FBXW7: variants seen among roughly 807,000 people sequenced by gnomAD.
The protein encoded by FBXW7 is F-box and WD repeat domain containing 7.
A neutral mutation model predicts 86.3 loss-of-function variants in FBXW7; 11 were observed. The ratio of observed to expected loss-of-function variants is 0.13; its 90% CI spans 0.08 to 0.21. FBXW7 has a LOEUF of 0.21. Among genes scored for constraint, FBXW7 ranks in the 10% least tolerant of loss-of-function variants. The pLI is 1.00. For synonymous variants in FBXW7, 313 were observed against 297.9 expected, an observed-to-expected ratio of 1.05 and a Z score of -0.52; for missense variants, 488 against 847.4, an observed-to-expected ratio of 0.58 and a Z score of 5.27.
At chr4:152,396,323 G>C (rs1390103321) in intron 4 of FBXW7, among the ~76,000 whole-genome samples, 1 of 151,776 alleles carries the variant, frequency 6.6e-6, no homozygotes, top group Admixed American at 6.6e-5. Context: ...AAAATGTAAT[G>C]CAACTAACAA....
chr4:152,504,030 T>C (rs548184240), intron 2 of FBXW7, among the ~76,000 whole-genome samples: 1 of 152,336 alleles, frequency 6.6e-6, no homozygotes, highest in South Asian at 2.1e-4. Context: ...AGATCTACTC[T>C]AATGTCAACT....
chr4:152,358,363 A>G (rs1461056120), intron 4 of FBXW7, among the ~76,000 whole-genome samples: 1 of 152,170 alleles, frequency 6.6e-6, no homozygotes, highest in Non-Finnish European at 1.5e-5. Context: ...GTGATTTTCA[A>G]ATATATTTGC....
rs1187955536 is a variant in FBXW7 at position 152,322,358 on chromosome 4, T to C, written c.*523A>G. On this transcript the variant is annotated 3_prime_UTR_variant, in exon 14 of 14. Coordinates refer to ENST00000281708, the MANE Select transcript of FBXW7 (RefSeq NM_001349798.2). The stretch of plus-strand genomic sequence containing the variant: ...AAAAAAAAAAGCTTTTCATGATAAC[T>C]GTACAAAAACAATTCACAGTAATTT... 4.4e-6 allele frequency: 1 copy of C among 229,522 alleles called. No individual in the cohort carries two copies. The highest frequency in any genetic ancestry group is 5.6e-5 in the Admixed American group (1 of 17,746). The allele number at this position is 229,522 out of a possible 1,614,324, so 14.2% of individuals were successfully genotyped here.
intron 4 of FBXW7, among the ~76,000 whole-genome samples, chr4:152,383,209 TA>T (rs1464313587): frequency 6.6e-6 from 1 of 152,164 alleles, no homozygotes; most frequent in Non-Finnish European, 1.5e-5. Context: ...GAAGTAATTA[TA>T]GTAAAATGGG....
chr4:152,359,572 A>C (rs181448177), intron 4 of FBXW7, among the ~76,000 whole-genome samples: 38 of 152,142 alleles, frequency 2.5e-4, no homozygotes, highest in Admixed American at 6.6e-4. Context: ...CTGGGTGATA[A>C]GGCAAGACTC....
intron 4 of FBXW7, among the ~76,000 whole-genome samples, chr4:152,387,179 A>C (rs1230820617): frequency 6.6e-6 from 1 of 152,180 alleles, no homozygotes; most frequent in African/African-American, 2.4e-5. Context: ...AAAAACTTTC[A>C]CAGGAATAAT....
intron 2 of FBXW7, among the ~76,000 whole-genome samples, chr4:152,528,385 G>A (rs185309198): frequency 1.3e-5 from 2 of 152,306 alleles, no homozygotes; most frequent in East Asian, 3.9e-4. Context: ...GTGCATTTCT[G>A]TTTGTTTCTG....
chr4:152,324,130 C>G (rs1259619828), intron 13 of FBXW7, 54 bp downstream of exon 13: 1 of 1,402,586 alleles, frequency 7.1e-7, no homozygotes, highest in African/African-American at 1.4e-5. Flanking sequence ...CCATATTTCT[C>G]TTGAATAATG....
At chr4:152,528,039 G>A (rs993310681) in intron 2 of FBXW7, among the ~76,000 whole-genome samples, 3 of 152,110 alleles carry the variant, frequency 2.0e-5, no homozygotes, top group African/African-American at 7.2e-5. Flanking sequence ...GCCAGAGGAT[G>A]TGATCCTCTC....
At chr4:152,516,281 A>G (rs1293542950) in intron 2 of FBXW7, among the ~76,000 whole-genome samples, 2 of 152,222 alleles carry the variant, frequency 1.3e-5, no homozygotes, top group Non-Finnish European at 2.9e-5. Flanking sequence ...GGTGAGCTGC[A>G]GGTGGAGTAT....
rs2126876400 is a variant in FBXW7, at chr4:152,411,327, G to A, written c.477C>T (p.Ser159=). Residue 159 remains serine, a synonymous_variant, in exon 4 of 14, where the codon TCC becomes TCT. Coordinates refer to ENST00000281708, the MANE Select transcript of FBXW7 (RefSeq NM_001349798.2). The part of the protein sequence containing the change: ...IVDLPVHQLS[S]PFYTKTTKMK... Reference sequence around the variant, plus strand: ...CTTTTGTTGTTTTTGTATAGAATGGGGAGGAGAGTTGGTGAACGGGCAGGT... The same window carrying A: ...CTTTTGTTGTTTTTGTATAGAATGGAGAGGAGAGTTGGTGAACGGGCAGGT... 3 of 1,610,106 alleles carry A rather than the reference G, an allele frequency of 1.9e-6. No homozygotes were observed. The highest frequency in any genetic ancestry group is 1.7e-6 in the Non-Finnish European group (2 of 1,178,056).
chr4:152,435,045 G>A (rs1337257534), intron 2 of FBXW7, among the ~76,000 whole-genome samples: 1 of 116,970 alleles, frequency 8.5e-6, no homozygotes, highest in Non-Finnish European at 1.7e-5. Flanking sequence ...AAAAGGTTTG[G>A]AAACTACTAA....
chr4:152,392,827 T>G (rs1736109191), intron 4 of FBXW7, among the ~76,000 whole-genome samples: 1 of 152,128 alleles, frequency 6.6e-6, no homozygotes, highest in African/African-American at 2.4e-5. Context: ...TGGCAAAATT[T>G]TGGGTGACAA....
chr4:152,495,446 G>GA (rs940088772), intron 2 of FBXW7, among the ~76,000 whole-genome samples: 16 of 147,630 alleles, frequency 1.1e-4, no homozygotes, highest in South Asian at 2.2e-4. Context: ...ACTCAAAAAG[G>GA]AAAAAAAAAA....
chr4:152,473,941 G>A (rs570352808), intron 2 of FBXW7, among the ~76,000 whole-genome samples: 27 of 152,114 alleles, frequency 1.8e-4, no homozygotes, highest in Non-Finnish European at 3.2e-4. Context: ...TCCTAAAAGA[G>A]AAAGATTAAC....
rs559065001 is a variant in FBXW7, at chr4:152,470,265, C to G, written c.-119-57736G>C. On this transcript the variant is annotated intron_variant, in intron 2 of 13. Transcript: ENST00000281708. ...TTTACTAGACCATGTAAAGAATGAG[C>G]TCTATCACAACTTAGACAAAAAATT... Among the ~76,000 whole-genome samples the G allele has an allele frequency of 2.0e-5, 3 of 152,152 alleles. No homozygotes were observed. In the South Asian group the frequency reaches 6.2e-4, roughly 32 times the overall value.
At chr4:152,488,700 T>A (rs754169308) in intron 2 of FBXW7, among the ~76,000 whole-genome samples, 3 of 152,082 alleles carry the variant, frequency 2.0e-5, no homozygotes, top group Non-Finnish European at 4.4e-5. Context: ...TAGATGAAAT[T>A]ATGTTTTAAT....
chr4:152,493,362 A>G (rs1746039258), intron 2 of FBXW7, among the ~76,000 whole-genome samples: 2 of 152,006 alleles, frequency 1.3e-5, no homozygotes, highest in South Asian at 4.1e-4. Context: ...ACAGGGTTTC[A>G]CCATGTTGGT....
At chr4:152,345,980 A>G (rs1318237270) in intron 6 of FBXW7, among the ~76,000 whole-genome samples, 1 of 152,274 alleles carries the variant, frequency 6.6e-6, no homozygotes, top group East Asian at 1.9e-4. Context: ...ATGGAGGCTA[A>G]TATCAGATAT....
Sources: gnomAD v4.1 joint callset for allele counts (sites outside exome capture counted in the v4.1 genomes callset) on GRCh38, gnomAD v4.1.1 for gene constraint, MANE v1.5 for transcripts, NCBI Gene and HGNC (gene_info 2026-07-23, HGNC 2026-07-21) for gene names.